Variants in ARID1B observed in about 807,000 individuals in gnomAD.
ARID1B encodes the protein AT-rich interactive domain-containing protein 1B.
Under a neutral mutation model 212.3 loss-of-function variants are expected in ARID1B, and 30 were observed. The observed-to-expected ratio is 0.14, with a 90% confidence interval of 0.11 to 0.19. The LOEUF (loss-of-function observed/expected upper bound fraction) is 0.19. Ranked by LOEUF, ARID1B falls within the 10% of genes least tolerant of loss-of-function variation. The pLI, the probability that ARID1B is intolerant of heterozygous loss-of-function variation, is 1.00. For missense variants in ARID1B, 2,891 were observed against 3,204.0 expected (o/e 0.90, Z 2.36); for synonymous variants, 1,402 against 1,301.7 (o/e 1.08, Z -1.66).
At chr6:156,832,259 A>G (rs1311327160) in intron 2 of ARID1B, among the ~76,000 whole-genome samples, 1 of 152,192 alleles carries the variant, frequency 6.6e-6, no homozygotes, top group East Asian at 1.9e-4. Flanking sequence ...TGCATTTTGG[A>G]TAATTATAAA....
At chr6:156,798,165 G>GGAGCGC (rs1413706932) in intron 1 of ARID1B, among the ~76,000 whole-genome samples, 1 of 152,232 alleles carries the variant, frequency 6.6e-6, no homozygotes, top group African/African-American at 2.4e-5. Context: ...GGAAGAGGGT[G>GGAGCGC]GAGCGCCTGC....
intron 4 of ARID1B, among the ~76,000 whole-genome samples, chr6:157,000,715 T>A (rs1021362038): frequency 1.6e-5 from 2 of 127,504 alleles, no homozygotes; most frequent in African/African-American, 3.4e-5. Flanking sequence ...TTTTTTTTTT[T>A]TGAGACAGAG....
At chr6:156,947,819 A>G (rs1384466861) in intron 4 of ARID1B, among the ~76,000 whole-genome samples, 2 of 152,240 alleles carry the variant, frequency 1.3e-5, no homozygotes, top group Non-Finnish European at 2.9e-5. Context: ...GAAACATATT[A>G]CAGTTGCCAA....
intron 8 of ARID1B, among the ~76,000 whole-genome samples, chr6:157,160,953 G>A (rs763934082): frequency 5.9e-5 from 9 of 152,284 alleles, no homozygotes; most frequent in South Asian, 2.1e-4. Flanking sequence ...GCATGTGGTC[G>A]CAACTTCGCA....
chr6:156,829,362 A>G lies in ARID1B; in HGVS notation c.1927A>G (p.Ile643Val), dbSNP rs17318151. Reference sequence around the variant, plus strand: ...CCCTCCAGGCCCACAGCGGTATCCAATTGGCATCCAGGGTCGGACTCCCGG... The same window carrying G: ...CCCTCCAGGCCCACAGCGGTATCCAGTTGGCATCCAGGGTCGGACTCCCGG... The part of the protein sequence containing the change: ...YGPPGPQRYP[I>V]GIQGRTPGAM... The change falls in exon 2 of 20, where the codon ATT becomes GTT. Residue 643 changes from isoleucine to valine, a missense_variant. By Grantham distance (29) the Ile-to-Val change is conservative. Coordinates refer to ENST00000636930, the MANE Select transcript of ARID1B (RefSeq NM_001374828.1). 0.016 allele frequency: 26,369 copies of G among 1,614,148 alleles called. 268 individuals are homozygous for G. Among genetic ancestry groups the G allele is most frequent in the Non-Finnish European group, 0.018 (21,560 of 1,180,018 alleles).
chr6:156,955,721 C>G lies in ARID1B; in HGVS notation c.2247+20145C>G, dbSNP rs562908652. On this transcript the variant is annotated intron_variant, in intron 4 of 19. Transcript: ENST00000636930. This position sits in a 1 kb window ranked among gnomAD's most constrained non-coding sequence, Gnocchi z 4.2. ...CAAGAAAAGGTAGGAGAACCTATGCCCATCTCCAGAAGGGCCCTAGAAACA... is the reference window on the plus strand; with the variant it reads ...CAAGAAAAGGTAGGAGAACCTATGCGCATCTCCAGAAGGGCCCTAGAAACA... Among the ~76,000 whole-genome samples, 52 of 152,220 alleles carry G rather than the reference C, an allele frequency of 3.4e-4. No individual in the cohort carries two copies. The highest frequency in any genetic ancestry group is 1.3e-3 in the African/African-American group (52 of 41,526).
chr6:157,050,317 G>A (rs900633401), intron 4 of ARID1B, among the ~76,000 whole-genome samples: 2 of 152,160 alleles, frequency 1.3e-5, no homozygotes, highest in Non-Finnish European at 2.9e-5. Flanking sequence ...AGGCCGAGGC[G>A]GGTGGGTCAT....
chr6:157,056,457 T>G (rs1198574980), intron 4 of ARID1B, among the ~76,000 whole-genome samples: 3 of 152,228 alleles, frequency 2.0e-5, no homozygotes, highest in Non-Finnish European at 4.4e-5. Context: ...TCTGAACCTT[T>G]GCCATAGAGT....
At chr6:157,083,014 A>G (rs1784735751) in intron 4 of ARID1B, among the ~76,000 whole-genome samples, 1 of 152,168 alleles carries the variant, frequency 6.6e-6, no homozygotes, top group Admixed American at 6.5e-5. Flanking sequence ...GGGTACTAGG[A>G]TCCTAATCCT....
chr6:156,883,091 G>GTT, intron 2 of ARID1B, among the ~76,000 whole-genome samples: 1 of 152,278 alleles, frequency 6.6e-6, no homozygotes, highest in South Asian at 2.1e-4. Context: ...TATAGTCAAG[G>GTT]AGTGTTTGTG....
intron 6 of ARID1B, among the ~76,000 whole-genome samples, chr6:157,130,710 C>T (rs1368534843): frequency 6.6e-6 from 1 of 152,100 alleles, no homozygotes; most frequent in African/African-American, 2.4e-5. Flanking sequence ...TTTGTAAATA[C>T]AATATGCCAT....
At chr6:156,883,522 TCTC>T (rs1226174941) in intron 2 of ARID1B, among the ~76,000 whole-genome samples, 2 of 152,132 alleles carry the variant, frequency 1.3e-5, no homozygotes, top group Non-Finnish European at 2.9e-5. Flanking sequence ...TTTACTTCCT[TCTC>T]CTCTGGACGT....
At chr6:156,944,318 AGGGATTT>A (rs1306251055) in intron 4 of ARID1B, among the ~76,000 whole-genome samples, 2 of 152,028 alleles carry the variant, frequency 1.3e-5, no homozygotes, top group African/African-American at 4.8e-5. Context: ...GAACTTATTG[AGGGATTT>A]GGGGTTGCCT....
At chr6:156,912,890 G>A (rs208638) in intron 3 of ARID1B, among the ~76,000 whole-genome samples, 28,276 of 151,894 alleles carry the variant, frequency 0.19, 2,912 homozygotes, top group Non-Finnish European at 0.23. Flanking sequence ...AAACAAAAAC[G>A]CCTTTCTTGA....
intron 1 of ARID1B, among the ~76,000 whole-genome samples, chr6:156,800,328 C>T (rs1335920621): frequency 1.3e-5 from 2 of 151,968 alleles, no homozygotes; most frequent in Non-Finnish European, 2.9e-5. Context: ...GGTGGGTCAC[C>T]CCTGTAATCC....
chr6:157,164,169 G>C (rs755759776), intron 8 of ARID1B, among the ~76,000 whole-genome samples: 15 of 152,166 alleles, frequency 9.9e-5, no homozygotes, highest in Non-Finnish European at 2.2e-4. Context: ...AGCTCCCAGA[G>C]CTCCAGTGAC....
intron 3 of ARID1B, among the ~76,000 whole-genome samples, chr6:156,907,254 A>G (rs1000405093): frequency 6.6e-6 from 1 of 151,796 alleles, no homozygotes; most frequent in Admixed American, 6.6e-5. Flanking sequence ...GTAGCTGTCC[A>G]CTGTTGGGCT....
chr6:156,801,573 A>G (rs1039011072), intron 1 of ARID1B, among the ~76,000 whole-genome samples: 15 of 152,230 alleles, frequency 9.9e-5, no homozygotes, highest in Middle Eastern at 3.4e-3. Flanking sequence ...ATAATGAAAA[A>G]CCATTAAAAC....
chr6:156,849,164 A>G (rs1041439855), intron 2 of ARID1B, among the ~76,000 whole-genome samples: 1 of 152,172 alleles, frequency 6.6e-6, no homozygotes, highest in African/African-American at 2.4e-5. Context: ...GAGATTATGT[A>G]TGCTATTTTT....
Sources: gnomAD v4.1 joint callset for allele counts (sites outside exome capture counted in the v4.1 genomes callset) on GRCh38, gnomAD v4.1.1 for gene constraint, Gnocchi (gnomAD v3.1) non-coding constraint, MANE v1.5 for transcripts, NCBI Gene and HGNC (gene_info 2026-07-23, HGNC 2026-07-21) for gene names.